Variants in EPM2A observed in about 807,000 individuals in gnomAD.
EPM2A encodes EPM2A glucan phosphatase, laforin, also known as laforin.
In EPM2A, 21 loss-of-function variants were observed where a neutral mutation model predicts 26.5. That is an observed-to-expected ratio of 0.79 (90% CI 0.56 to 1.14). EPM2A has a LOEUF of 1.14. Ranked by LOEUF, EPM2A falls within the 50% of genes most tolerant of loss-of-function variation. The pLI is 0.00. For missense variants in EPM2A, 458 were observed against 440.8 expected (o/e 1.04, Z -0.35); for synonymous variants, 217 against 177.6 (o/e 1.22, Z -1.76).
intron 4 of EPM2A, among the ~76,000 whole-genome samples, chr6:145,495,123 C>CT (rs1189735178): frequency 1.3e-5 from 2 of 152,102 alleles, no homozygotes; most frequent in African/African-American, 4.8e-5. Context: ...GAGTCTAAGT[C>CT]TCTTTGGAGG....
At chr6:145,663,366 G>C (rs1436644854) in intron 2 of EPM2A, among the ~76,000 whole-genome samples, 2 of 152,230 alleles carry the variant, frequency 1.3e-5, no homozygotes, top group African/African-American at 4.8e-5. Flanking sequence ...TCTCACTAGG[G>C]AGTGCCAGAC....
rs375763483 is a variant in EPM2A at position 145,473,164 on chromosome 6, G to A, written c.555+29358C>T. Reference sequence around the variant, plus strand: ...TCAAAGATGTTCAAGATAATGCAGCGAAGGAATTCAGAATTCTATCAGATA... The same window carrying A: ...TCAAAGATGTTCAAGATAATGCAGCAAAGGAATTCAGAATTCTATCAGATA... On this transcript the variant is annotated intron_variant, in intron 4 of 4. Coordinates refer to the EPM2A transcript ENST00000638717. Among the ~76,000 whole-genome samples, 8 of 151,938 alleles carry A rather than the reference G, an allele frequency of 5.3e-5. No individual in the cohort carries two copies. In the East Asian group the frequency reaches 7.7e-4, roughly 15 times the overall value.
chr6:145,662,643 T>C (rs1283818422), intron 2 of EPM2A, among the ~76,000 whole-genome samples: 1 of 151,886 alleles, frequency 6.6e-6, no homozygotes. Flanking sequence ...GGATAGAAAA[T>C]TACTAAGAGG....
intron 2 of EPM2A, among the ~76,000 whole-genome samples, chr6:145,585,748 AG>A (rs1289284071): frequency 1.3e-5 from 2 of 152,006 alleles, no homozygotes; most frequent in Non-Finnish European, 2.9e-5. Flanking sequence ...AATATTTTTG[AG>A]TTTTGTTTTG....
At chr6:145,508,729 A>G (rs1346877432) in intron 2 of EPM2A, among the ~76,000 whole-genome samples, 1 of 152,262 alleles carries the variant, frequency 6.6e-6, no homozygotes, top group Non-Finnish European at 1.5e-5. Context: ...CTAGCTTTCT[A>G]GCAATGATCC....
intron 1 of EPM2A, among the ~76,000 whole-genome samples, chr6:145,700,094 G>T (rs1781827164): frequency 6.6e-6 from 1 of 151,966 alleles, no homozygotes; most frequent in South Asian, 2.1e-4. Context: ...CAAAAGATTT[G>T]ACCACCTAAT....
intron 2 of EPM2A, chr6:145,639,319 T>G (rs1776913607): frequency 6.6e-6 from 1 of 152,188 alleles, no homozygotes; most frequent in Non-Finnish European, 1.5e-5. Flanking sequence ...CTCAGTCAGC[T>G]CAGGACAGAA....
chr6:145,598,599 C>CT (rs200682891), intron 2 of EPM2A, among the ~76,000 whole-genome samples: 4,828 of 152,210 alleles, frequency 0.032, 89 homozygotes, highest in African/African-American at 0.057. Flanking sequence ...TACAGAAACT[C>CT]TTAAGTTTAA....
intron 1 of EPM2A, among the ~76,000 whole-genome samples, chr6:145,732,236 T>TGTGTGTGC (rs374032616): frequency 0.11 from 14,382 of 131,894 alleles, 970 homozygotes; most frequent in East Asian, 0.24. Context: ...TGTGTGTGTG[T>TGTGTGTGC]GCGCGCCAAA....
chr6:145,578,998 T>G (rs1781074775), intron 2 of EPM2A, among the ~76,000 whole-genome samples: 1 of 149,426 alleles, frequency 6.7e-6, no homozygotes, highest in Non-Finnish European at 1.5e-5. Context: ...CCGGGGCCTG[T>G]GGTGGGGTGG....
Position 145,625,804 on chromosome 6 carries a change from T to G in EPM2A, c.*1612A>C. 1 of 1,527,808 alleles carries G rather than the reference T, an allele frequency of 6.5e-7. No homozygotes were observed. Among genetic ancestry groups the G allele is most frequent in the African/African-American group, 1.4e-5 (1 of 73,160 alleles). The allele number at this position is 1,527,808 out of a possible 1,614,324, so 94.6% of individuals were successfully genotyped here. On this transcript the variant is annotated 3_prime_UTR_variant, in exon 4 of 4. Coordinates refer to ENST00000367519, the MANE Select transcript of EPM2A (RefSeq NM_005670.4). Reference sequence around the variant, plus strand: ...CCTCTGAGCTCCACTGAAACTTACCTTGTATCCTTCTTGTCCCCCACGCCT... The same window carrying G: ...CCTCTGAGCTCCACTGAAACTTACCGTGTATCCTTCTTGTCCCCCACGCCT...
intron 4 of EPM2A, among the ~76,000 whole-genome samples, chr6:145,406,017 A>ACAACG (rs1479571783): frequency 7.4e-6 from 1 of 134,704 alleles, no homozygotes; most frequent in Non-Finnish European, 1.6e-5. Flanking sequence ...CACACACAAC[A>ACAACG]GACAGACACA....
At chr6:145,676,257 T>A (rs1261078689) in intron 2 of EPM2A, among the ~76,000 whole-genome samples, 1 of 152,182 alleles carries the variant, frequency 6.6e-6, no homozygotes, top group Admixed American at 6.5e-5. Flanking sequence ...TACCAGAATC[T>A]CTGGGACACA....
At chr6:145,464,967 C>T (rs1779369420) in intron 4 of EPM2A, among the ~76,000 whole-genome samples, 1 of 152,062 alleles carries the variant, frequency 6.6e-6, no homozygotes. Flanking sequence ...TGTTGCTCTT[C>T]CCGAGGAGTA....
chr6:145,724,256 A>C (rs1269633339), intron 1 of EPM2A, among the ~76,000 whole-genome samples: 1 of 152,176 alleles, frequency 6.6e-6, no homozygotes, highest in Non-Finnish European at 1.5e-5. Context: ...AAAAATCAAT[A>C]GATACAAAAG....
chr6:145,703,308 G>A (rs781036986), intron 1 of EPM2A, among the ~76,000 whole-genome samples: 8 of 151,910 alleles, frequency 5.3e-5, no homozygotes, highest in Non-Finnish European at 7.4e-5. Flanking sequence ...AGCCAGGGTG[G>A]TCTCGATCTC....
At chr6:145,595,474 G>GA (rs1169077552) in intron 2 of EPM2A, among the ~76,000 whole-genome samples, 2 of 121,490 alleles carry the variant, frequency 1.6e-5, no homozygotes, top group African/African-American at 3.4e-5. Context: ...CAAATTCTCA[G>GA]AAAAAATTTA....
intron 2 of EPM2A, among the ~76,000 whole-genome samples, chr6:145,509,289 C>G (rs562229423): frequency 6.6e-6 from 1 of 152,068 alleles, no homozygotes; most frequent in African/African-American, 2.4e-5. Context: ...ACATAGTCAT[C>G]AGACTATCCA....
intron 2 of EPM2A, chr6:145,640,471 C>A (rs1223658009): frequency 1.3e-5 from 2 of 152,150 alleles, no homozygotes; most frequent in African/African-American, 2.4e-5. Flanking sequence ...AACTGTTGAA[C>A]TGCAGTGCCC....
Sources: gnomAD v4.1 joint callset for allele counts (sites outside exome capture counted in the v4.1 genomes callset) on GRCh38, gnomAD v4.1.1 for gene constraint, MANE v1.5 for transcripts, NCBI Gene and HGNC (gene_info 2026-07-23, HGNC 2026-07-21) for gene names.